The following UNC13C variants were observed in gnomAD, a reference collection of about 807,000 sequenced individuals.
UNC13C encodes the protein unc-13 homolog C.
In UNC13C, 174 loss-of-function variants were observed where a neutral mutation model predicts 245.4. That is an observed-to-expected ratio of 0.71 (90% CI 0.63 to 0.80). The LOEUF (loss-of-function observed/expected upper bound fraction) is 0.80, where lower values mean the gene tolerates loss of function less well. Ranked by LOEUF, UNC13C falls within the 30% of genes least tolerant of loss-of-function variation. The probability of loss-of-function intolerance (pLI) is 0.00; values close to 1 mark genes in which losing one functional copy is unlikely to be tolerated. For missense variants in UNC13C, 2,829 were observed against 2,602.9 expected (o/e 1.09, Z -1.89); for synonymous variants, 992 against 895.1 (o/e 1.11, Z -1.93).
intron 2 of UNC13C, among the ~76,000 whole-genome samples, chr15:54,104,926 G>T (rs1176129759): frequency 1.3e-5 from 2 of 152,108 alleles, no homozygotes; most frequent in South Asian, 2.1e-4. Flanking sequence ...TATTAATGTG[G>T]CAAGGCTGAA....
chr15:54,018,544 T>C (rs1291102567), intron 2 of UNC13C, among the ~76,000 whole-genome samples: 1 of 148,708 alleles, frequency 6.7e-6, no homozygotes, highest in Non-Finnish European at 1.5e-5. Context: ...CCTTAGAGTG[T>C]GTGTAGCCAG....
intron 4 of UNC13C, among the ~76,000 whole-genome samples, chr15:54,219,537 G>A (rs1295219175): frequency 1.4e-5 from 2 of 147,688 alleles, no homozygotes; most frequent in Admixed American, 1.3e-4. Context: ...ACATAGGCAT[G>A]GGCAAGGACT....
At chr15:54,502,308 A>G (rs1245093192) in intron 22 of UNC13C, among the ~76,000 whole-genome samples, 1 of 152,200 alleles carries the variant, frequency 6.6e-6, no homozygotes, top group Non-Finnish European at 1.5e-5. Context: ...AGAGCATCTC[A>G]GAAGTTGAAA....
At chr15:54,173,410 C>T (rs548367165) in intron 4 of UNC13C, among the ~76,000 whole-genome samples, 5 of 145,096 alleles carry the variant, frequency 3.4e-5, no homozygotes, top group Admixed American at 1.3e-4. Flanking sequence ...GCTTTTTTTG[C>T]GTGATTTACA....
intron 18 of UNC13C, among the ~76,000 whole-genome samples, chr15:54,399,045 A>G (rs2040127283): frequency 6.6e-6 from 1 of 151,660 alleles, no homozygotes. Flanking sequence ...AAAGCCTTGT[A>G]TAAGATGATG....
chr15:53,962,579 T>C, the UNC13C span, among the ~76,000 whole-genome samples: 1 of 152,180 alleles, frequency 6.6e-6, no homozygotes, highest in Non-Finnish European at 1.5e-5. Flanking sequence ...TTAGCCCTAA[T>C]AGATGCTGTA....
Position 54,263,078 on chromosome 15 carries a change from A to T in UNC13C, c.3449-1090A>T, listed in dbSNP as rs552672446. Among the ~76,000 whole-genome samples the T allele has an allele frequency of 3.3e-5, 5 of 152,310 alleles. No homozygotes were observed. In the South Asian group the frequency reaches 1.0e-3, roughly 32 times the overall value. On this transcript the variant is annotated intron_variant, in intron 8 of 32. Coordinates refer to ENST00000260323, the MANE Select transcript of UNC13C (RefSeq NM_001080534.3). Reference sequence around the variant, plus strand: ...ATCTCTAAATAGTTTATGAGATATTAGTATGCCTATCTCAGAAATATAATA... The same window carrying T: ...ATCTCTAAATAGTTTATGAGATATTTGTATGCCTATCTCAGAAATATAATA...
intron 4 of UNC13C, among the ~76,000 whole-genome samples, chr15:54,206,409 C>T (rs1054882609): frequency 1.3e-5 from 2 of 152,056 alleles, no homozygotes; most frequent in African/African-American, 2.4e-5. Flanking sequence ...ATCAGCTCCA[C>T]CTTCTTGAAG....
chr15:54,384,724 A>T (rs188062853), intron 17 of UNC13C, among the ~76,000 whole-genome samples: 3 of 152,296 alleles, frequency 2.0e-5, no homozygotes, highest in East Asian at 3.9e-4. Flanking sequence ...GTGAAGAGGC[A>T]TCCTCTTGAA....
At chr15:53,942,427 A>C in the UNC13C span, among the ~76,000 whole-genome samples, 1 of 152,158 alleles carries the variant, frequency 6.6e-6, no homozygotes, top group East Asian at 1.9e-4. Flanking sequence ...AGAGAGCATC[A>C]GGAAGAACAG....
chr15:54,014,514 A>T lies in UNC13C; in HGVS notation c.1611A>T (p.Ser537=), dbSNP rs778633449. 1.9e-6 allele frequency: 3 copies of T among 1,613,864 alleles called. No individual in the cohort carries two copies. The South Asian group carries it at 3.3e-5, about 18-fold the overall frequency. Residue 537 remains serine (S), a synonymous_variant, in exon 2 of 33, where the codon TCA becomes TCT. Transcript: ENST00000260323. ...HYADATPLWH[S]QSDFFTAKLS... is the part of the protein sequence containing the mutation. ...CAGATGCAACACCTCTCTGGCACTC[A>T]CAGAGTGATTTTTTCACTGCTAAAC...
At chr15:54,527,290 CTCTT>C (rs2141141562) in intron 25 of UNC13C, among the ~76,000 whole-genome samples, 1 of 152,190 alleles carries the variant, frequency 6.6e-6, no homozygotes, top group East Asian at 1.9e-4. Context: ...AGGTGTGTCT[CTCTT>C]TGTTCTAGTT....
chr15:53,870,635 A>G, the UNC13C span, among the ~76,000 whole-genome samples: 1 of 152,112 alleles, frequency 6.6e-6, no homozygotes, highest in Non-Finnish European at 1.5e-5. Context: ...AATTGAGACT[A>G]CGTCCTAACT....
intron 19 of UNC13C, among the ~76,000 whole-genome samples, chr15:54,436,631 G>A (rs963570474): frequency 3.3e-5 from 5 of 151,930 alleles, no homozygotes; most frequent in Non-Finnish European, 7.4e-5. Flanking sequence ...CATGGACACA[G>A]GGTGGGGAAC....
At chr15:54,039,602 C>T (rs762109053) in intron 2 of UNC13C, among the ~76,000 whole-genome samples, 4 of 151,598 alleles carry the variant, frequency 2.6e-5, no homozygotes, top group Admixed American at 6.6e-5. Flanking sequence ...CTTTTTTTTC[C>T]TATTTATGGT....
chr15:53,924,172 A>T, the UNC13C span, among the ~76,000 whole-genome samples: 1 of 152,136 alleles, frequency 6.6e-6, no homozygotes, highest in Non-Finnish European at 1.5e-5. Flanking sequence ...ACACCATTGC[A>T]CTCCAACCTG....
At chr15:54,516,469 C>G (rs1894980130) in intron 24 of UNC13C, among the ~76,000 whole-genome samples, 3 of 152,124 alleles carry the variant, frequency 2.0e-5, no homozygotes, top group African/African-American at 7.2e-5. Flanking sequence ...TGCTACTGGT[C>G]TGGGGACCAT....
chr15:54,044,786 C>T (rs902582481), intron 2 of UNC13C, among the ~76,000 whole-genome samples: 3 of 152,110 alleles, frequency 2.0e-5, no homozygotes, highest in South Asian at 2.1e-4. Context: ...TATCCATCAT[C>T]TCGTGTAGCT....
At chr15:54,073,712 T>C (rs1268334282) in intron 2 of UNC13C, among the ~76,000 whole-genome samples, 3 of 152,064 alleles carry the variant, frequency 2.0e-5, no homozygotes, top group Admixed American at 6.6e-5. Flanking sequence ...ATCCTTTGCC[T>C]ACTTTTTGAT....
Sources: allele counts gnomAD v4.1 joint callset (sites outside exome capture counted in the v4.1 genomes callset), GRCh38; gene constraint gnomAD v4.1.1; transcripts MANE v1.5; gene names NCBI Gene and HGNC (gene_info 2026-07-23, HGNC 2026-07-21).